Variants in PCDH15 observed in about 807,000 individuals in gnomAD.
The protein encoded by PCDH15 is protocadherin related 15.
PCDH15 carries 129 observed loss-of-function variants against 178.5 expected under a neutral mutation model. The ratio of observed to expected loss-of-function variants is 0.72; its 90% CI spans 0.63 to 0.84. PCDH15 has a LOEUF of 0.84. Among genes scored for constraint, PCDH15 ranks in the 40% least tolerant of loss-of-function variants. PCDH15 has a pLI of 0.00. For synonymous variants in PCDH15, 800 were observed against 732.0 expected, an observed-to-expected ratio of 1.09 and a Z score of -1.50; for missense variants, 2,230 against 2,099.9, an observed-to-expected ratio of 1.06 and a Z score of -1.21.
intron 2 of PCDH15, among the ~76,000 whole-genome samples, chr10:55,025,092 T>A (rs1431296477): frequency 6.6e-6 from 1 of 152,192 alleles, no homozygotes; most frequent in Non-Finnish European, 1.5e-5. Context: ...TACCTTTTAA[T>A]GTCTCTTTTC....
At chr10:55,428,004 G>A (rs1489309782) in intron 2 of PCDH15, among the ~76,000 whole-genome samples, 5 of 151,974 alleles carry the variant, frequency 3.3e-5, no homozygotes, top group Non-Finnish European at 7.4e-5. Flanking sequence ...TGAACAGAGA[G>A]ACTACATACT....
At chr10:54,972,709 C>T (rs372141446) in intron 2 of PCDH15, among the ~76,000 whole-genome samples, 121 of 151,496 alleles carry the variant, frequency 8.0e-4, no homozygotes, top group East Asian at 3.3e-3. Flanking sequence ...ATTAGCCAGG[C>T]GTGGTGGCAC....
At chr10:54,570,091 TCTCA>T (rs2089602089) in intron 2 of PCDH15, among the ~76,000 whole-genome samples, 1 of 151,954 alleles carries the variant, frequency 6.6e-6, no homozygotes, top group African/African-American at 2.4e-5. Flanking sequence ...AATGCGTTTA[TCTCA>T]CTGTCTCGGG....
rs1313491892 is a variant in PCDH15, at chr10:53,903,343, A to G, written c.3401T>C (p.Ile1134Thr). ...KSNTAKVYIE[I>T]QDENNHPPVF... ...TGGGGGATGATTATTTTCATCCTGA[A>G]TCTCAATGTATACTTTAGCTGTATT... Residue 1134 changes from isoleucine to threonine, a missense_variant, in exon 26 of 38, where the codon ATT becomes ACT. Transcript: ENST00000644397. 1 of 1,612,962 alleles carries G rather than the reference A, an allele frequency of 6.2e-7. No individual in the cohort carries two copies. The highest frequency in any genetic ancestry group is 8.5e-7 in the Non-Finnish European group (1 of 1,179,490).
At chr10:53,862,112 C>T (rs528990079) in intron 27 of PCDH15, among the ~76,000 whole-genome samples, 3 of 151,958 alleles carry the variant, frequency 2.0e-5, no homozygotes, top group South Asian at 2.1e-4. Context: ...ATGCAAATGG[C>T]GTGATCTCAG....
intron 2 of PCDH15, among the ~76,000 whole-genome samples, chr10:55,120,834 T>A (rs1837748067): frequency 6.6e-6 from 1 of 152,140 alleles, no homozygotes; most frequent in Non-Finnish European, 1.5e-5. Flanking sequence ...CTTCATGGCG[T>A]TTGCATACTG....
At chr10:54,352,468 GT>G (rs907007556) in intron 5 of PCDH15, among the ~76,000 whole-genome samples, 3 of 152,066 alleles carry the variant, frequency 2.0e-5, no homozygotes, top group African/African-American at 7.2e-5. Flanking sequence ...AAGAATCCAA[GT>G]TTTTTGTTTT....
At chr10:54,896,131 C>T (rs1954541283) in intron 3 of PCDH15, among the ~76,000 whole-genome samples, 1 of 152,094 alleles carries the variant, frequency 6.6e-6, no homozygotes, top group Non-Finnish European at 1.5e-5. Flanking sequence ...GTGATCCACC[C>T]ACCTTTGCCT....
At chr10:53,894,860 T>A (rs1021546739) in intron 26 of PCDH15, among the ~76,000 whole-genome samples, 2 of 152,174 alleles carry the variant, frequency 1.3e-5, no homozygotes, top group African/African-American at 4.8e-5. Context: ...CACAGAGAGA[T>A]AAGAGCATGC....
chr10:54,220,507 T>A (rs965711121), intron 9 of PCDH15, among the ~76,000 whole-genome samples: 2 of 152,150 alleles, frequency 1.3e-5, no homozygotes, highest in Non-Finnish European at 2.9e-5. Context: ...GGAAGGTTGG[T>A]TTTTAGACAT....
chr10:54,068,836 A>G (rs2094185347), intron 17 of PCDH15, among the ~76,000 whole-genome samples: 1 of 152,108 alleles, frequency 6.6e-6, no homozygotes, highest in Non-Finnish European at 1.5e-5. Flanking sequence ...TTGTTTGTGC[A>G]TTAGTCTGTG....
intron 2 of PCDH15, among the ~76,000 whole-genome samples, chr10:55,456,041 T>C (rs1218535068): frequency 6.6e-6 from 1 of 152,124 alleles, no homozygotes. Context: ...TCATCATGGC[T>C]GTTAAGGTGG....
chr10:54,035,837 T>C (rs1436067344), intron 18 of PCDH15, among the ~76,000 whole-genome samples: 1 of 151,980 alleles, frequency 6.6e-6, no homozygotes, highest in African/African-American at 2.4e-5. Flanking sequence ...AGCCACATTG[T>C]GAACGCAATG....
At chr10:54,966,098 A>T (rs1476517825) in intron 2 of PCDH15, among the ~76,000 whole-genome samples, 1 of 152,012 alleles carries the variant, frequency 6.6e-6, no homozygotes, top group Non-Finnish European at 1.5e-5. Context: ...TTCTATAGGA[A>T]CATGGTCAAC....
At chr10:54,105,110 A>C (rs2094887984) in intron 15 of PCDH15, among the ~76,000 whole-genome samples, 2 of 150,828 alleles carry the variant, frequency 1.3e-5, no homozygotes. Context: ...TGATCTAATC[A>C]TATTAAACAG....
intron 3 of PCDH15, among the ~76,000 whole-genome samples, chr10:54,518,637 G>A (rs1175099684): frequency 1.3e-5 from 2 of 152,174 alleles, no homozygotes; most frequent in Admixed American, 6.5e-5. Context: ...GAGGTACAAG[G>A]AGGAGCTGGT....
At chr10:54,073,271 T>C (rs965606190) in intron 17 of PCDH15, among the ~76,000 whole-genome samples, 1 of 151,036 alleles carries the variant, frequency 6.6e-6, no homozygotes, top group Non-Finnish European at 1.5e-5. Context: ...TAAATATTTA[T>C]ATATTTGTAC....
At chr10:54,603,963 T>A (rs557122962) in intron 2 of PCDH15, among the ~76,000 whole-genome samples, 1 of 152,176 alleles carries the variant, frequency 6.6e-6, no homozygotes, top group African/African-American at 2.4e-5. Context: ...ATCTCACAAC[T>A]GTTGGTATGT....
chr10:53,823,117 A>ATACTT lies in PCDH15; in HGVS notation c.4368-2892_4368-2888dup, dbSNP rs747516133. On this transcript the variant is annotated intron_variant, in intron 32 of 37. Transcript: ENST00000644397. ...CTCTGTGAAATGTCTGAATTTGTTG[A>ATACTT]TACTTGACTTATGTTTTCCTTATAA... The ATACTT allele has an allele frequency of 5.6e-6, 9 of 1,614,040 alleles. No individual in the cohort carries two copies. The Middle Eastern group carries it at 1.2e-3, about 207-fold the overall frequency.
Sources: allele counts gnomAD v4.1 joint callset (sites outside exome capture counted in the v4.1 genomes callset), GRCh38; gene constraint gnomAD v4.1.1; transcripts MANE v1.5; gene names NCBI Gene and HGNC (gene_info 2026-07-23, HGNC 2026-07-21).